The following AKR1C2 variants were observed in gnomAD, a reference collection of about 807,000 sequenced individuals.
The protein encoded by AKR1C2 is 3-alpha-HSD3.
A neutral mutation model predicts 39.8 loss-of-function variants in AKR1C2; 27 were observed. The observed-to-expected ratio is 0.68, with a 90% CI of 0.50 to 0.93. The LOEUF (loss-of-function observed/expected upper bound fraction) is 0.93. Ranked by LOEUF, AKR1C2 falls within the 40% of genes least tolerant of loss-of-function variation. The pLI is 0.00. For missense variants in AKR1C2, 263 were observed against 365.1 expected, an observed-to-expected ratio of 0.72 and a Z score of 2.28; for synonymous variants, 114 against 137.9, an observed-to-expected ratio of 0.83 and a Z score of 1.22.
At chr10:5,014,913 A>G (rs1837607151) in intron 1 of AKR1C2, 1 of 152,274 alleles carries the variant, frequency 6.6e-6, no homozygotes, top group African/African-American at 2.4e-5. Flanking sequence ...CTTTGGACAG[A>G]TGCAAGGCTC....
chr10:4,989,889 A>G lies in AKR1C2; in HGVS notation c.*107T>C. The G allele has an allele frequency of 1.4e-6, 2 of 1,447,422 alleles. No individual in the cohort carries two copies. The highest frequency in any genetic ancestry group is 1.9e-6 in the Non-Finnish European group (2 of 1,056,990). The allele number at this position is 1,447,422 out of a possible 1,614,324, so 89.7% of individuals were successfully genotyped here. On this transcript the variant is annotated 3_prime_UTR_variant, in exon 9 of 9. Transcript: ENST00000380753. ...TAGCTTACTGAAGTCGCCAAGCAGG[A>G]GAGATTTAACCAGAGGCGATGTGTC...
At chr10:5,016,469 A>AT (rs1300807269) in intron 1 of AKR1C2, among the ~76,000 whole-genome samples, 2 of 152,174 alleles carry the variant, frequency 1.3e-5, no homozygotes, top group Non-Finnish European at 2.9e-5. Flanking sequence ...CTCCGAAATA[A>AT]TCTCTATTGA....
At chr10:5,004,632 T>C (rs1219015992), upstream of AKR1C2, 1 of 152,176 alleles carries the variant, frequency 6.6e-6, no homozygotes, top group Non-Finnish European at 1.5e-5. Flanking sequence ...TGATAACTAT[T>C]AGATATACTT....
At position 5,001,583 on chromosome 10, in the gene AKR1C2, A is replaced by C. The variant is rs1164210502; in HGVS notation, c.183T>G (p.Val61=). ...CAATCTTGCTTCGGATGGCCAGTCC[A>C]ACCTGCTCCTCATTATTGTAAACAT... ...SAHVYNNEEQ[V]GLAIRSKIAD... The change falls in exon 2 of 9, where the codon GTT becomes GTG. Residue 61 remains valine (V), a synonymous_variant. Transcript: ENST00000380753. 6.2e-7 allele frequency: 1 copy of C among 1,613,902 alleles called. No individual in the cohort carries two copies. The highest frequency in any genetic ancestry group is 1.3e-5 in the African/African-American group (1 of 74,908).
At chr10:4,997,527 A>AT in intron 5 of AKR1C2, 1 of 278,562 alleles carries the variant, frequency 3.6e-6, no homozygotes, top group Non-Finnish European at 6.9e-6. Context: ...TTCTAGAAAC[A>AT]TTATATGTAT....
At chr10:4,997,967 G>C (rs1486633572) in intron 5 of AKR1C2, among the ~76,000 whole-genome samples, 3 of 152,168 alleles carry the variant, frequency 2.0e-5, no homozygotes, top group Non-Finnish European at 2.9e-5. Flanking sequence ...CCAAAAAGCA[G>C]CCGACTAGGA....
intron 7 of AKR1C2, among the ~76,000 whole-genome samples, chr10:4,993,109 TATTACA>T (rs1449920486): frequency 1.3e-5 from 2 of 152,222 alleles, no homozygotes; most frequent in Non-Finnish European, 2.9e-5. Flanking sequence ...TCTGCAGGCT[TATTACA>T]ATGTCAATGA....
rs1332382130 is a variant in AKR1C2, at chr10:4,989,688, C to G, written c.*308G>C. On this transcript the variant is annotated 3_prime_UTR_variant, in exon 9 of 9. Coordinates refer to ENST00000380753, the MANE Select transcript of AKR1C2 (RefSeq NM_001393392.1). ...AATGGTTGTTAACATCTTCCAACCC[C>G]GGCCCTAAACGTATAGGCAAATCAC... 1 of 399,754 alleles carries G rather than the reference C, an allele frequency of 2.5e-6. No homozygotes were observed. Among genetic ancestry groups the G allele is most frequent in the Non-Finnish European group, 4.5e-6 (1 of 222,442 alleles). 24.8% of individuals were successfully genotyped at this position (399,754 alleles called of 1,614,324 possible). A position where few individuals can be genotyped will look rare whatever the true frequency, so the allele number is the denominator to read the frequency against.
At chr10:5,009,555 C>G (rs1241719156) in intron 1 of AKR1C2, among the ~76,000 whole-genome samples, 1 of 151,718 alleles carries the variant, frequency 6.6e-6, no homozygotes, top group Non-Finnish European at 1.5e-5. Context: ...GTTTAAACTC[C>G]ATGTGATATG....
chr10:5,011,746 T>G (rs1370470606), intron 1 of AKR1C2, among the ~76,000 whole-genome samples: 4 of 152,218 alleles, frequency 2.6e-5, no homozygotes, highest in African/African-American at 9.6e-5. Flanking sequence ...GTGTGGGGAT[T>G]GAAAGAATGG....
chr10:4,998,055 T>TC (rs749707417), intron 5 of AKR1C2, among the ~76,000 whole-genome samples: 315 of 152,320 alleles, frequency 2.1e-3, no homozygotes, highest in Non-Finnish European at 2.5e-3. Context: ...AACAGATATC[T>TC]CCATAAACAG....
chr10:4,989,639 C>T lies in AKR1C2; in HGVS notation c.*357G>A, dbSNP rs1196434334. ...TTCCCAGAGGGTGAAACTCCACCCA[C>T]TCCCACTGCAGAAATGAATCTTAAA... On this transcript the variant is annotated 3_prime_UTR_variant, in exon 9 of 9. Transcript: ENST00000380753. 5.4e-5 allele frequency: 14 copies of T among 260,742 alleles called. No homozygotes were observed. The Admixed American group carries it at 7.0e-4, about 13-fold the overall frequency. The allele number at this position is 260,742 out of a possible 1,614,324, so 16.2% of individuals were successfully genotyped here.
At chr10:4,996,624 C>T (rs1837058039) in intron 5 of AKR1C2, among the ~76,000 whole-genome samples, 2 of 149,232 alleles carry the variant, frequency 1.3e-5, no homozygotes, top group Non-Finnish European at 3.0e-5. Flanking sequence ...CACAAGAATC[C>T]GTGAGTCTGT....
chr10:5,001,238 A>T (rs182445695), intron 2 of AKR1C2, among the ~76,000 whole-genome samples: 31 of 152,328 alleles, frequency 2.0e-4, no homozygotes, highest in African/African-American at 7.5e-4. Flanking sequence ...TATGATTAAG[A>T]TTATCTCTCA....
intron 1 of AKR1C2, among the ~76,000 whole-genome samples, chr10:5,017,497 A>G (rs1424467356): frequency 6.6e-6 from 1 of 152,222 alleles, no homozygotes; most frequent in Non-Finnish European, 1.5e-5. Flanking sequence ...GCTAAAGCAT[A>G]GGAAGAGTGA....
intron 1 of AKR1C2, chr10:5,015,297 T>C (rs367600665): frequency 2.0e-5 from 3 of 152,264 alleles, no homozygotes; most frequent in African/African-American, 7.2e-5. Context: ...TTCTTTCTTT[T>C]CTACATTTTT....
At chr10:5,006,051 G>A (rs1554774367), upstream of AKR1C2, 2 of 152,216 alleles carry the variant, frequency 1.3e-5, no homozygotes, top group South Asian at 2.1e-4. Context: ...AAATTCCTGA[G>A]TCTAAGGACA....
intron 7 of AKR1C2, among the ~76,000 whole-genome samples, chr10:4,993,071 G>C (rs3900662): frequency 0.16 from 23,686 of 152,182 alleles, 2,004 homozygotes; most frequent in East Asian, 0.3. Flanking sequence ...TCTCAATATT[G>C]TCAAAGATTC....
intron 3 of AKR1C2, 119 bp downstream of exon 3, chr10:5,000,428 GCTC>G (rs1341818958): frequency 6.9e-6 from 11 of 1,589,622 alleles, no homozygotes; most frequent in Non-Finnish European, 9.4e-6. Context: ...TATGTTTAGG[GCTC>G]TTCTTCCATG....
Sources: allele counts gnomAD v4.1 joint callset (sites outside exome capture counted in the v4.1 genomes callset), GRCh38; gene constraint gnomAD v4.1.1; transcripts MANE v1.5; gene names NCBI Gene and HGNC (gene_info 2026-07-23, HGNC 2026-07-21).